Variants in PSD3 observed in about 807,000 individuals in gnomAD.
PSD3 encodes PH and SEC7 domain-containing protein 3.
A neutral mutation model predicts 105.5 loss-of-function variants in PSD3; 49 were observed. The observed-to-expected ratio is 0.46, with a 90% CI of 0.37 to 0.59. The LOEUF (loss-of-function observed/expected upper bound fraction) is 0.59. Among genes scored for constraint, PSD3 ranks in the 20% least tolerant of loss-of-function variants. The pLI is 0.00. For synonymous variants in PSD3, 557 were observed against 457.8 expected, an observed-to-expected ratio of 1.22 and a Z score of -2.77; for missense variants, 1,561 against 1,263.8, an observed-to-expected ratio of 1.24 and a Z score of -3.57.
chr8:18,832,539 A>G (rs1813761881), intron 4 of PSD3, among the ~76,000 whole-genome samples: 1 of 152,228 alleles, frequency 6.6e-6, no homozygotes, highest in South Asian at 2.1e-4. Flanking sequence ...CATGTCAAGC[A>G]TTATCCTCCA....
intron 10 of PSD3, among the ~76,000 whole-genome samples, chr8:18,634,199 T>C (rs566423920): frequency 6.6e-6 from 1 of 152,112 alleles, no homozygotes. Context: ...AACCACAATA[T>C]ATTTTAAATA....
intron 11 of PSD3, among the ~76,000 whole-genome samples, chr8:18,606,546 C>A (rs1165827892): frequency 6.6e-6 from 1 of 152,126 alleles, no homozygotes; most frequent in East Asian, 1.9e-4. Flanking sequence ...AAAATAGATT[C>A]TCTATTGCAT....
At chr8:18,603,192 T>G (rs1804563000) in intron 11 of PSD3, among the ~76,000 whole-genome samples, 1 of 152,214 alleles carries the variant, frequency 6.6e-6, no homozygotes, top group Non-Finnish European at 1.5e-5. Context: ...ATACTTAAGG[T>G]CCAAAGACAA....
intron 14 of PSD3, among the ~76,000 whole-genome samples, chr8:18,570,942 C>A (rs1253389090): frequency 6.6e-6 from 1 of 151,794 alleles, no homozygotes; most frequent in African/African-American, 2.4e-5. Context: ...TCACTGCAAC[C>A]TCAGCCTCCT....
intron 1 of PSD3, among the ~76,000 whole-genome samples, chr8:18,999,497 G>C (rs923034313): frequency 4.0e-5 from 6 of 151,764 alleles, no homozygotes; most frequent in Non-Finnish European, 7.4e-5. Context: ...TGTCCTGGTT[G>C]TACTTGCTAC....
At chr8:18,906,599 T>C (rs1412578141) in intron 2 of PSD3, among the ~76,000 whole-genome samples, 1 of 152,188 alleles carries the variant, frequency 6.6e-6, no homozygotes, top group Non-Finnish European at 1.5e-5. Flanking sequence ...ATATATATGA[T>C]CTTATTGCTA....
At chr8:18,684,470 T>C (rs1278061912) in intron 9 of PSD3, among the ~76,000 whole-genome samples, 6 of 152,094 alleles carry the variant, frequency 3.9e-5, no homozygotes, top group African/African-American at 9.7e-5. Context: ...AAAAAAAATA[T>C]GGATGGACGT....
At chr8:19,043,402 T>C (rs1811333) in intron 1 of PSD3, among the ~76,000 whole-genome samples, 37,851 of 152,144 alleles carry the variant, frequency 0.25, 5,774 homozygotes, top group Middle Eastern at 0.39. Flanking sequence ...GCAGTTTCTG[T>C]ACAGTTGTCA....
rs778529620 is a variant in PSD3, at chr8:18,705,253, C to T, written c.2173-49568G>A. On this transcript the variant is annotated intron_variant, in intron 9 of 15. Transcript: ENST00000327040. ...TCTAAAAATGAGGGACTAGGCCAGG[C>T]GTGATGGCTCATGCCTGTAATCCCA... Among the ~76,000 whole-genome samples the T allele has an allele frequency of 5.9e-5, 9 of 152,232 alleles. No individual in the cohort carries two copies. The South Asian group carries it at 1.2e-3, about 21-fold the overall frequency.
chr8:19,035,420 TATC>T (rs1827907755), intron 1 of PSD3, among the ~76,000 whole-genome samples: 1 of 152,212 alleles, frequency 6.6e-6, no homozygotes, highest in Admixed American at 6.5e-5. Context: ...ATGCTAGTGT[TATC>T]ATAAATGGCA....
chr8:18,771,181 A>G (rs1468262703), intron 8 of PSD3, among the ~76,000 whole-genome samples: 1 of 152,126 alleles, frequency 6.6e-6, no homozygotes, highest in Non-Finnish European at 1.5e-5. Flanking sequence ...AGAGCAGGCC[A>G]TGGGTGGTTT....
At chr8:18,895,997 C>A (rs924899708) in intron 2 of PSD3, among the ~76,000 whole-genome samples, 2 of 152,192 alleles carry the variant, frequency 1.3e-5, no homozygotes, top group East Asian at 3.8e-4. Flanking sequence ...CCTCTAGTAA[C>A]CACTATTCTA....
intron 4 of PSD3, among the ~76,000 whole-genome samples, chr8:18,829,412 T>C (rs1007360030): frequency 1.3e-5 from 2 of 152,144 alleles, no homozygotes; most frequent in African/African-American, 4.8e-5. Context: ...CTTCCATAGT[T>C]CCCCAGCAAT....
intron 2 of PSD3, among the ~76,000 whole-genome samples, chr8:18,934,012 T>C (rs1198547187): frequency 1.3e-5 from 2 of 151,974 alleles, no homozygotes; most frequent in South Asian, 2.1e-4. Context: ...AATTTAGCTG[T>C]TTTTTTTACT....
chr8:18,685,773 T>G (rs772417592), intron 9 of PSD3, among the ~76,000 whole-genome samples: 1 of 152,178 alleles, frequency 6.6e-6, no homozygotes, highest in Non-Finnish European at 1.5e-5. Context: ...ACGACGAGTC[T>G]ACAGGTAAAG....
intron 11 of PSD3, among the ~76,000 whole-genome samples, chr8:18,602,893 TAGA>T (rs891931530): frequency 1.2e-4 from 19 of 152,304 alleles, no homozygotes; most frequent in Non-Finnish European, 2.2e-4. Flanking sequence ...ATGAGGACTG[TAGA>T]AGGAGTTAAA....
intron 9 of PSD3, among the ~76,000 whole-genome samples, chr8:18,752,572 TATA>T (rs369607348): frequency 0.021 from 1,273 of 61,520 alleles, 47 homozygotes; most frequent in African/African-American, 0.088. Context: ...ATATTATATA[TATA>T]ATTATATATA....
At chr8:18,685,068 A>T (rs1160660426) in intron 9 of PSD3, among the ~76,000 whole-genome samples, 1 of 152,184 alleles carries the variant, frequency 6.6e-6, no homozygotes, top group Non-Finnish European at 1.5e-5. Context: ...TAAATAACAA[A>T]ACTTAAACAT....
Position 18,905,367 on chromosome 8 carries a change from A to C in PSD3, c.130+30667T>G, listed in dbSNP as rs547156654. On this transcript the variant is annotated intron_variant, in intron 2 of 15. Transcript: ENST00000327040. ...GAGACGGAGTCTTGCTCTGTTGCCC[A>C]GGCTGGAGTGCAGTGGCGCGATCTC... is the stretch of plus-strand genomic sequence containing the variant. 3.4e-3 allele frequency among the ~76,000 whole-genome samples: 524 copies of C among 152,286 alleles called. 7 individuals carry two copies. Among genetic ancestry groups the C allele is most frequent in the African/African-American group, 0.012 (490 of 41,562 alleles).
Sources: allele counts gnomAD v4.1 joint callset (sites outside exome capture counted in the v4.1 genomes callset), GRCh38; gene constraint gnomAD v4.1.1; transcripts MANE v1.5; gene names NCBI Gene and HGNC (gene_info 2026-07-23, HGNC 2026-07-21).